The following NT5C2 variants were observed in gnomAD, a reference collection of about 807,000 sequenced individuals.
The protein encoded by NT5C2 is 5'-nucleotidase, cytosolic II, also known as cytosolic purine 5'-nucleotidase.
NT5C2 carries 58 observed loss-of-function variants against 76.1 expected under a neutral mutation model. The ratio of observed to expected loss-of-function variants is 0.76; its 90% CI spans 0.62 to 0.95. The LOEUF (loss-of-function observed/expected upper bound fraction) is 0.95. Ranked by LOEUF, NT5C2 falls within the 40% of genes least tolerant of loss-of-function variation. The pLI, the probability that NT5C2 is intolerant of heterozygous loss-of-function variation, is 0.00. For missense variants in NT5C2, 478 were observed against 690.3 expected (o/e 0.69, Z 3.45); for synonymous variants, 229 against 237.4 (o/e 0.96, Z 0.32).
chr10:103,109,007 C>T (rs2072200302), intron 4 of NT5C2, among the ~76,000 whole-genome samples: 1 of 151,906 alleles, frequency 6.6e-6, no homozygotes, highest in South Asian at 2.1e-4. Flanking sequence ...TACAGGTGCC[C>T]GCCACCACAC....
At chr10:103,158,767 G>A (rs554647564) in intron 3 of NT5C2, among the ~76,000 whole-genome samples, 13 of 150,462 alleles carry the variant, frequency 8.6e-5, no homozygotes, top group Non-Finnish European at 1.6e-4. Flanking sequence ...GCTGTGAGCC[G>A]AGATTGCGCC....
At chr10:103,138,053 C>T (rs1408066630) in intron 4 of NT5C2, among the ~76,000 whole-genome samples, 1 of 152,154 alleles carries the variant, frequency 6.6e-6, no homozygotes, top group Non-Finnish European at 1.5e-5. Context: ...GCCCCACATC[C>T]TCATAAGGAC....
At chr10:103,147,892 T>C (rs1287156993) in intron 3 of NT5C2, among the ~76,000 whole-genome samples, 1 of 152,142 alleles carries the variant, frequency 6.6e-6, no homozygotes, top group Non-Finnish European at 1.5e-5. Context: ...TAAAATTAGA[T>C]AGCGGTATTG....
chr10:103,157,226 T>C (rs1011492462), intron 3 of NT5C2, among the ~76,000 whole-genome samples: 2 of 151,592 alleles, frequency 1.3e-5, no homozygotes, highest in Non-Finnish European at 1.5e-5. Flanking sequence ...CTAACCATGC[T>C]GTAGAGAAAA....
intron 1 of NT5C2, among the ~76,000 whole-genome samples, chr10:103,192,105 T>C (rs1325650957): frequency 6.6e-6 from 1 of 152,200 alleles, no homozygotes; most frequent in Non-Finnish European, 1.5e-5. Context: ...AAGCCTTCTC[T>C]ACGCAATAAC....
intron 3 of NT5C2, among the ~76,000 whole-genome samples, chr10:103,166,708 A>C (rs2086493720): frequency 6.6e-6 from 1 of 152,258 alleles, no homozygotes; most frequent in South Asian, 2.1e-4. Flanking sequence ...GCTGGAGTGC[A>C]ATGGCGCAAT....
chr10:103,166,433 A>G (rs1469260953), intron 3 of NT5C2, among the ~76,000 whole-genome samples: 1 of 152,212 alleles, frequency 6.6e-6, no homozygotes, highest in Admixed American at 6.5e-5. Context: ...AATTCTCTTG[A>G]GATATATCAA....
intron 4 of NT5C2, among the ~76,000 whole-genome samples, chr10:103,115,664 G>T (rs567162327): frequency 6.6e-6 from 1 of 152,060 alleles, no homozygotes; most frequent in South Asian, 2.1e-4. Flanking sequence ...AACAAACCAA[G>T]TATTACTGCA....
At chr10:103,177,561 G>T (rs2090231839) in intron 2 of NT5C2, among the ~76,000 whole-genome samples, 1 of 151,990 alleles carries the variant, frequency 6.6e-6, no homozygotes, top group Admixed American at 6.6e-5. Context: ...TCTCACTGTT[G>T]CCCAGGCTGG....
In NT5C2 at chr10:103,129,922, G is replaced by C. The variant is rs1371738291; in HGVS notation, c.175+9484C>G. ...GCCCGGCCAGCCGCCCCGTCCGGGAGGGAGGTGGGGGGGGTCAGCCCCCCC... is the reference window on the plus strand; with the variant it reads ...GCCCGGCCAGCCGCCCCGTCCGGGACGGAGGTGGGGGGGGTCAGCCCCCCC... On this transcript the variant is annotated intron_variant, in intron 4 of 18. Coordinates refer to ENST00000404739, the MANE Select transcript of NT5C2 (RefSeq NM_001351169.2). Among the ~76,000 whole-genome samples, 2 of 108,336 alleles carry C rather than the reference G, an allele frequency of 1.8e-5. 1 individual carries two copies. Among genetic ancestry groups the C allele is most frequent in the Non-Finnish European group, 3.9e-5 (2 of 51,712 alleles). 71.1% of individuals were successfully genotyped at this position (108,336 alleles called of 152,430 possible). A position where few individuals can be genotyped will look rare whatever the true frequency, so the allele number is the denominator to read the frequency against.
intron 1 of NT5C2, among the ~76,000 whole-genome samples, chr10:103,186,388 T>C (rs2092013069): frequency 6.6e-6 from 1 of 152,190 alleles, no homozygotes; most frequent in South Asian, 2.1e-4. Context: ...CAGGAATGAG[T>C]AATAGGCTTC....
chr10:103,103,645 G>C (rs990070509), intron 6 of NT5C2, among the ~76,000 whole-genome samples: 9 of 152,056 alleles, frequency 5.9e-5, no homozygotes, highest in African/African-American at 2.2e-4. Context: ...GCTACACTTG[G>C]AATGGGAAGA....
At chr10:103,186,689 C>T (rs1283519946) in intron 1 of NT5C2, among the ~76,000 whole-genome samples, 2 of 151,108 alleles carry the variant, frequency 1.3e-5, no homozygotes. Flanking sequence ...CCGAGGCGGG[C>T]GGATCACAAG....
chr10:103,130,826 C>G (rs539663344), intron 4 of NT5C2, among the ~76,000 whole-genome samples: 1 of 151,998 alleles, frequency 6.6e-6, no homozygotes, highest in South Asian at 2.1e-4. Flanking sequence ...TAATAGGAAC[C>G]ATTAAAAAGC....
At chr10:103,188,272 C>T (rs2092286360) in intron 1 of NT5C2, among the ~76,000 whole-genome samples, 1 of 152,112 alleles carries the variant, frequency 6.6e-6, no homozygotes, top group Non-Finnish European at 1.5e-5. Context: ...CCAGACGAAT[C>T]ACTTGAACCC....
chr10:103,133,568 CTT>C (rs1383889212), intron 4 of NT5C2, among the ~76,000 whole-genome samples: 1 of 152,158 alleles, frequency 6.6e-6, no homozygotes, highest in African/African-American at 2.4e-5. Context: ...GCCTAAACCT[CTT>C]TCTTTTGTAA....
chr10:103,136,968 A>G (rs1312615615), intron 4 of NT5C2, among the ~76,000 whole-genome samples: 2 of 152,134 alleles, frequency 1.3e-5, no homozygotes, highest in Admixed American at 1.3e-4. Context: ...TTTTTTCATT[A>G]TTCTGTGGGA....
chr10:103,156,837 C>G (rs2083512011), intron 3 of NT5C2, among the ~76,000 whole-genome samples: 1 of 151,582 alleles, frequency 6.6e-6, no homozygotes, highest in African/African-American at 2.4e-5. Flanking sequence ...GCAGGCAGAT[C>G]ACGAGGTCAG....
At chr10:103,153,443 G>T in intron 3 of NT5C2, 1 of 1,138,522 alleles carries the variant, frequency 8.8e-7, no homozygotes, top group Non-Finnish European at 1.1e-6. Context: ...GCACAATGCC[G>T]AACCCTAACT....
Sources: gnomAD v4.1 joint callset for allele counts (sites outside exome capture counted in the v4.1 genomes callset) on GRCh38, gnomAD v4.1.1 for gene constraint, MANE v1.5 for transcripts, NCBI Gene and HGNC (gene_info 2026-07-23, HGNC 2026-07-21) for gene names.